Variants in LRP1B observed in about 807,000 individuals in gnomAD.
The protein encoded by LRP1B is LDL receptor related protein 1B.
Under a neutral mutation model 556.6 loss-of-function variants are expected in LRP1B, and 217 were observed. That is an observed-to-expected ratio of 0.39 (90% CI 0.35 to 0.44). The LOEUF (loss-of-function observed/expected upper bound fraction) is 0.44. Ranked by LOEUF, LRP1B falls within the 20% of genes least tolerant of loss-of-function variation. LRP1B has a pLI of 1.00. For synonymous variants in LRP1B, 2,047 were observed against 1,865.8 expected, an observed-to-expected ratio of 1.10 and a Z score of -2.50; for missense variants, 5,053 against 5,620.8, an observed-to-expected ratio of 0.90 and a Z score of 3.23.
chr2:141,078,334 T>A (rs10168120), intron 7 of LRP1B, among the ~76,000 whole-genome samples: 128,706 of 152,110 alleles, frequency 0.85, 54,829 homozygotes, highest in Non-Finnish European at 0.89. Context: ...AAAGCCCTTC[T>A]TTCTCCCACA....
At position 141,257,268 on chromosome 2, in the gene LRP1B, G is replaced by T. The variant is rs148391512; in HGVS notation, c.344-2627C>A. Among the ~76,000 whole-genome samples, 610 of 152,218 alleles carry T rather than the reference G, an allele frequency of 4.0e-3. 19 individuals carry two copies. Among genetic ancestry groups the T allele is most frequent in the Admixed American group, 0.036 (556 of 15,274 alleles). Reference sequence around the variant, plus strand: ...CAGGAAAGGTTTCTCACAGAAAATAGATTCAGTTATACTATGAAAAGAATG... The same window carrying T: ...CAGGAAAGGTTTCTCACAGAAAATATATTCAGTTATACTATGAAAAGAATG... On this transcript the variant is annotated intron_variant, in intron 3 of 90. Transcript: ENST00000389484.
chr2:140,459,136 A>G (rs911779059), intron 60 of LRP1B, among the ~76,000 whole-genome samples: 4 of 152,166 alleles, frequency 2.6e-5, no homozygotes, highest in Non-Finnish European at 5.9e-5. Context: ...TACCATTACT[A>G]AAATAATAAG....
At chr2:140,757,347 G>A (rs1370771051) in intron 35 of LRP1B, among the ~76,000 whole-genome samples, 1 of 152,080 alleles carries the variant, frequency 6.6e-6, no homozygotes, top group African/African-American at 2.4e-5. Context: ...AAACATCAAT[G>A]ATCCTAGCAG....
chr2:140,675,633 G>T (rs1172559007), intron 41 of LRP1B, among the ~76,000 whole-genome samples: 2 of 152,028 alleles, frequency 1.3e-5, no homozygotes, highest in Non-Finnish European at 2.9e-5. Context: ...AAAAAAAATA[G>T]CTGATTGTGG....
intron 32 of LRP1B, among the ~76,000 whole-genome samples, chr2:140,807,198 A>C (rs2105021878): frequency 6.6e-6 from 1 of 152,280 alleles, no homozygotes; most frequent in East Asian, 1.9e-4. Context: ...AATCCCTGTA[A>C]CTGAATACTA....
chr2:141,928,093 G>C (rs1342484722), intron 1 of LRP1B, among the ~76,000 whole-genome samples: 1 of 152,102 alleles, frequency 6.6e-6, no homozygotes, highest in Non-Finnish European at 1.5e-5. Context: ...CCAAAGTGTA[G>C]TGGGACAACA....
intron 43 of LRP1B, among the ~76,000 whole-genome samples, chr2:140,548,185 C>T (rs372549186): frequency 2.6e-4 from 40 of 152,154 alleles, no homozygotes; most frequent in African/African-American, 7.5e-4. Flanking sequence ...TATGAAGAGA[C>T]GGGCTTGGAG....
At position 140,616,434 on chromosome 2, in the gene LRP1B, G is replaced by A. The variant is rs186711540; in HGVS notation, c.6800-14795C>T. Among the ~76,000 whole-genome samples the A allele has an allele frequency of 2.8e-4, 42 of 150,140 alleles. 2 individuals are homozygous for A. In the Middle Eastern group the frequency reaches 0.011, roughly 38 times the overall value. On this transcript the variant is annotated intron_variant, in intron 41 of 90. Coordinates refer to ENST00000389484, the MANE Select transcript of LRP1B (RefSeq NM_018557.3). ...TAGTTGTTTGCCTGAATTAAATTTG[G>A]ATTTCAAAAATTAATTTTGGAATAA...
At chr2:140,768,509 T>C (rs1689193159) in intron 35 of LRP1B, among the ~76,000 whole-genome samples, 1 of 151,974 alleles carries the variant, frequency 6.6e-6, no homozygotes, top group Non-Finnish European at 1.5e-5. Flanking sequence ...TAAATCTAAA[T>C]GTTAATGTGA....
chr2:140,991,082 T>A (rs1484346197), intron 16 of LRP1B, among the ~76,000 whole-genome samples: 4 of 152,152 alleles, frequency 2.6e-5, no homozygotes, highest in Non-Finnish European at 5.9e-5. Context: ...AGCTTTATAT[T>A]CTCTGGTATT....
chr2:141,055,546 C>T (rs868761653), intron 9 of LRP1B, among the ~76,000 whole-genome samples: 44 of 151,882 alleles, frequency 2.9e-4, no homozygotes, highest in African/African-American at 8.9e-4. Context: ...ATAAAAGTAA[C>T]ATAACTTTTT....
chr2:141,117,344 G>T (rs1700931962), intron 7 of LRP1B, among the ~76,000 whole-genome samples: 1 of 151,038 alleles, frequency 6.6e-6, no homozygotes, highest in South Asian at 2.1e-4. Flanking sequence ...CACTTTTAGT[G>T]GAGTTTCTTT....
chr2:140,977,597 C>T (rs1365526797), intron 18 of LRP1B, among the ~76,000 whole-genome samples: 7 of 40,508 alleles, frequency 1.7e-4, no homozygotes, highest in African/African-American at 3.6e-4. Context: ...ACAGTAATTG[C>T]GTTTTTTTTT....
chr2:141,191,633 T>C (rs189612588), intron 6 of LRP1B, among the ~76,000 whole-genome samples: 1 of 151,686 alleles, frequency 6.6e-6, no homozygotes, highest in East Asian at 2.0e-4. Flanking sequence ...AATTATACAG[T>C]CTTTATAAAA....
At chr2:140,967,040 C>G (rs1365583277) in intron 18 of LRP1B, among the ~76,000 whole-genome samples, 2 of 152,006 alleles carry the variant, frequency 1.3e-5, no homozygotes, top group African/African-American at 4.8e-5. Flanking sequence ...TTTTTTGGTT[C>G]CATATGAACT....
At chr2:141,148,027 A>G (rs1282003689) in intron 7 of LRP1B, among the ~76,000 whole-genome samples, 2 of 152,182 alleles carry the variant, frequency 1.3e-5, no homozygotes, top group African/African-American at 2.4e-5. Flanking sequence ...TAGTGTAAGT[A>G]CACTCTATGA....
chr2:141,021,844 T>C (rs1367401540), intron 11 of LRP1B, among the ~76,000 whole-genome samples: 1 of 151,982 alleles, frequency 6.6e-6, no homozygotes, highest in Non-Finnish European at 1.5e-5. Flanking sequence ...CATAGGATGA[T>C]TACAAAGGGC....
At chr2:141,474,041 T>C (rs879326549) in intron 3 of LRP1B, among the ~76,000 whole-genome samples, 48,469 of 118,202 alleles carry the variant, frequency 0.41, 9,704 homozygotes, top group Non-Finnish European at 0.45. Context: ...CCTTCCTTCC[T>C]TCCTTTCCTT....
At chr2:141,736,901 T>C (rs1264197707) in intron 2 of LRP1B, among the ~76,000 whole-genome samples, 2 of 152,128 alleles carry the variant, frequency 1.3e-5, no homozygotes, top group Admixed American at 6.6e-5. Context: ...TAATGAAGAC[T>C]TATGAGACGC....
Sources: allele counts gnomAD v4.1 joint callset (sites outside exome capture counted in the v4.1 genomes callset), GRCh38; gene constraint gnomAD v4.1.1; transcripts MANE v1.5; gene names NCBI Gene and HGNC (gene_info 2026-07-23, HGNC 2026-07-21).